GPHN: variants seen among roughly 807,000 people sequenced by gnomAD.
GPHN encodes the protein gephyrin.
A neutral mutation model predicts 95.5 loss-of-function variants in GPHN; 17 were observed. That is an observed-to-expected ratio of 0.18 (90% CI 0.12 to 0.27). The LOEUF (loss-of-function observed/expected upper bound fraction) is 0.27, where lower values mean the gene tolerates loss of function less well. Ranked by LOEUF, GPHN falls within the 10% of genes least tolerant of loss-of-function variation. GPHN has a pLI of 1.00. For synonymous variants in GPHN, 320 were observed against 322.5 expected (o/e 0.99, Z 0.08); for missense variants, 660 against 978.1 (o/e 0.67, Z 4.34).
intron 2 of GPHN, among the ~76,000 whole-genome samples, chr14:66,713,025 G>A (rs2069808420): frequency 6.6e-6 from 1 of 152,034 alleles, no homozygotes. Context: ...ATTTTTTTGA[G>A]TTTGTTGTAT....
chr14:67,194,362 A>G, the GPHN span, among the ~76,000 whole-genome samples: 2 of 142,880 alleles, frequency 1.4e-5, no homozygotes, highest in South Asian at 2.2e-4. Context: ...AGACCTGTAG[A>G]AAAAAAAAAA....
the GPHN span, chr14:67,387,227 A>G: frequency 8.5e-7 from 1 of 1,174,002 alleles, no homozygotes; most frequent in Non-Finnish European, 1.2e-6. Context: ...AAGCAGTACA[A>G]AACTTACAAA....
the GPHN span, among the ~76,000 whole-genome samples, chr14:67,605,703 T>A: frequency 6.6e-5 from 10 of 152,158 alleles, no homozygotes; most frequent in South Asian, 4.1e-4. Context: ...TTTTTTTTTA[T>A]ACATAGTCTC....
chr14:67,556,947 C>T, the GPHN span, among the ~76,000 whole-genome samples: 1 of 152,182 alleles, frequency 6.6e-6, no homozygotes, highest in South Asian at 2.1e-4. Flanking sequence ...TCCTGCCCAA[C>T]TCATTCCTCC....
At chr14:66,574,155 ATTCTC>A (rs1421468314) in intron 1 of GPHN, among the ~76,000 whole-genome samples, 1 of 151,944 alleles carries the variant, frequency 6.6e-6, no homozygotes, top group Non-Finnish European at 1.5e-5. Flanking sequence ...CTTTCTCTTT[ATTCTC>A]TTGTATCTAC....
rs2062954005 is a variant in GPHN at position 66,859,797 on chromosome 14, C to G, written c.295-20142C>G. 3.3e-5 allele frequency among the ~76,000 whole-genome samples: 5 copies of G among 152,052 alleles called. No individual in the cohort carries two copies. In the South Asian group the frequency reaches 1.0e-3, roughly 32 times the overall value. ...GATTGAAATAATAATTTAAAAGAAA[C>G]AAACAGAAATTCTAGACATGGAAAA... On this transcript the variant is annotated intron_variant, in intron 4 of 22. Transcript: ENST00000478722.
At chr14:66,804,150 G>T (rs1025536709) in intron 3 of GPHN, among the ~76,000 whole-genome samples, 2 of 152,094 alleles carry the variant, frequency 1.3e-5, no homozygotes, top group African/African-American at 4.8e-5. Context: ...TCTTCTGTAG[G>T]CAGAAAGTGT....
intron 1 of GPHN, among the ~76,000 whole-genome samples, chr14:66,537,582 A>AT (rs919469104): frequency 2.0e-5 from 3 of 152,012 alleles, no homozygotes; most frequent in African/African-American, 7.2e-5. Flanking sequence ...AAACCACATA[A>AT]TTTTTTTGTA....
the GPHN span, among the ~76,000 whole-genome samples, chr14:67,688,139 T>A: frequency 1.3e-5 from 2 of 152,164 alleles, no homozygotes; most frequent in Non-Finnish European, 2.9e-5. Context: ...GGGCTCAGCA[T>A]GCAACTCACT....
chr14:66,583,741 C>T (rs530295342), intron 1 of GPHN, among the ~76,000 whole-genome samples: 1 of 152,172 alleles, frequency 6.6e-6, no homozygotes, highest in African/African-American at 2.4e-5. Context: ...TTCCAGTGGT[C>T]TATATCTCTG....
chr14:67,375,645 T>C, the GPHN span, among the ~76,000 whole-genome samples: 13 of 152,368 alleles, frequency 8.5e-5, no homozygotes, highest in Admixed American at 8.5e-4. Flanking sequence ...TTTGTTTTAC[T>C]GATGTATTTA....
chr14:66,838,688 A>G (rs577216223), intron 4 of GPHN, among the ~76,000 whole-genome samples: 1 of 152,182 alleles, frequency 6.6e-6, no homozygotes, highest in East Asian at 1.9e-4. Flanking sequence ...AGTCTAAGGA[A>G]TGAAGATTTC....
At chr14:67,445,577 C>CTTTTT in the GPHN span, among the ~76,000 whole-genome samples, 752 of 59,922 alleles carry the variant, frequency 0.013, 121 homozygotes, top group African/African-American at 0.028. Context: ...AGAGGCAATT[C>CTTTTT]TTTTTTTTTT....
chr14:66,596,965 G>T (rs1201829551), intron 1 of GPHN, among the ~76,000 whole-genome samples: 2 of 152,210 alleles, frequency 1.3e-5, no homozygotes. Flanking sequence ...GGCTGCCGCT[G>T]CCTTCAGTCC....
At chr14:67,282,151 C>G in the GPHN span, among the ~76,000 whole-genome samples, 1 of 152,140 alleles carries the variant, frequency 6.6e-6, no homozygotes, top group African/African-American at 2.4e-5. Flanking sequence ...GTCATAGCCT[C>G]AGGTTTTTAA....
chr14:66,785,944 G>A (rs2059760453), intron 3 of GPHN, among the ~76,000 whole-genome samples: 1 of 152,074 alleles, frequency 6.6e-6, no homozygotes. Flanking sequence ...GACATTAAGA[G>A]AAGAGGAAAG....
At chr14:66,859,253 G>A (rs1205199387) in intron 4 of GPHN, among the ~76,000 whole-genome samples, 1 of 152,182 alleles carries the variant, frequency 6.6e-6, no homozygotes, top group Non-Finnish European at 1.5e-5. Flanking sequence ...CATACTACTG[G>A]TGATGGCCAC....
the GPHN span, chr14:67,541,891 GC>G: frequency 6.2e-7 from 1 of 1,601,692 alleles, no homozygotes. Context: ...AGGTGGAGGC[GC>G]CGGCCAGCGT....
chr14:67,397,023 C>G, the GPHN span, among the ~76,000 whole-genome samples: 1 of 151,716 alleles, frequency 6.6e-6, no homozygotes, highest in Admixed American at 6.6e-5. Context: ...ACTGCAAACT[C>G]TGCCTCCCAG....
Sources: allele counts gnomAD v4.1 joint callset (sites outside exome capture counted in the v4.1 genomes callset), GRCh38; gene constraint gnomAD v4.1.1; transcripts MANE v1.5; gene names NCBI Gene and HGNC (gene_info 2026-07-23, HGNC 2026-07-21).